The following EFR3A variants were observed in gnomAD, a reference collection of about 807,000 sequenced individuals.
EFR3A encodes the protein EFR3 homolog A.
A neutral mutation model predicts 104.4 loss-of-function variants in EFR3A; 76 were observed. The observed-to-expected ratio is 0.73, with a 90% confidence interval of 0.60 to 0.88. The LOEUF (loss-of-function observed/expected upper bound fraction) is 0.88, where lower values mean the gene tolerates loss of function less well. Among genes scored for constraint, EFR3A ranks in the 40% least tolerant of loss-of-function variants. The probability of loss-of-function intolerance (pLI) is 0.00; values close to 1 mark genes in which losing one functional copy is unlikely to be tolerated. For synonymous variants in EFR3A, 330 were observed against 330.0 expected, an observed-to-expected ratio of 1.00 and a Z score of 0.00; for missense variants, 985 against 1,012.5, an observed-to-expected ratio of 0.97 and a Z score of 0.37.
chr8:131,931,393 A>G (rs895573536), intron 1 of EFR3A, among the ~76,000 whole-genome samples: 9 of 152,102 alleles, frequency 5.9e-5, no homozygotes, highest in Non-Finnish European at 1.2e-4. Context: ...TTAATGTTAA[A>G]CGTTTGATAG....
At chr8:131,937,170 T>C (rs1315397539) in intron 1 of EFR3A, among the ~76,000 whole-genome samples, 1 of 152,138 alleles carries the variant, frequency 6.6e-6, no homozygotes, top group Non-Finnish European at 1.5e-5. Flanking sequence ...GAAGACCAAA[T>C]ATATATTTCA....
chr8:131,967,198 C>G (rs1819784821), intron 8 of EFR3A, among the ~76,000 whole-genome samples: 4 of 152,040 alleles, frequency 2.6e-5, no homozygotes, highest in Admixed American at 2.6e-4. Flanking sequence ...TTAAATGAAA[C>G]AAAGTAAAGA....
intron 4 of EFR3A, among the ~76,000 whole-genome samples, chr8:131,948,672 G>C (rs899448854): frequency 3.3e-5 from 5 of 152,066 alleles, no homozygotes; most frequent in African/African-American, 1.2e-4. Flanking sequence ...CTTTCACCCA[G>C]CAATGCCATT....
chr8:131,931,042 G>A (rs763732236), intron 1 of EFR3A, among the ~76,000 whole-genome samples: 5 of 152,068 alleles, frequency 3.3e-5, no homozygotes, highest in Admixed American at 6.6e-5. Flanking sequence ...AATGGCTCCC[G>A]AATGAACGTG....
At chr8:132,010,407 GATATAT>G (rs66644698) in intron 22 of EFR3A, among the ~76,000 whole-genome samples, 14,952 of 80,442 alleles carry the variant, frequency 0.19, 1,326 homozygotes, top group Non-Finnish European at 0.23. Flanking sequence ...TCAAGTATGA[GATATAT>G]ATATATATAT....
chr8:131,936,831 G>A (rs369851432), intron 1 of EFR3A, among the ~76,000 whole-genome samples: 3 of 152,050 alleles, frequency 2.0e-5, no homozygotes, highest in Admixed American at 6.6e-5. Context: ...GTCACCCTCC[G>A]GAAACTTCCA....
chr8:131,965,333 T>C (rs1819641165), intron 8 of EFR3A, among the ~76,000 whole-genome samples: 1 of 152,120 alleles, frequency 6.6e-6, no homozygotes, highest in African/African-American at 2.4e-5. Flanking sequence ...GAAGGGCTAA[T>C]ATGCAGACTC....
chr8:131,907,065 G>C (rs1237344616), intron 1 of EFR3A, among the ~76,000 whole-genome samples: 1 of 152,186 alleles, frequency 6.6e-6, no homozygotes, highest in Non-Finnish European at 1.5e-5. Context: ...CCTATAATCA[G>C]TAACCACAGT....
chr8:131,968,518 T>C (rs1819885655), intron 9 of EFR3A, 88 bp downstream of exon 9: 1 of 1,275,246 alleles, frequency 7.8e-7, no homozygotes, highest in East Asian at 2.6e-5. Flanking sequence ...AAGAACTCTT[T>C]AAGAATATTT....
chr8:131,911,901 G>A (rs555850782), intron 1 of EFR3A, among the ~76,000 whole-genome samples: 22 of 152,312 alleles, frequency 1.4e-4, no homozygotes, highest in African/African-American at 5.3e-4. Flanking sequence ...GTCAAACAAG[G>A]TAGGTCAGGT....
At chr8:131,936,982 G>T (rs1817928038) in intron 1 of EFR3A, among the ~76,000 whole-genome samples, 1 of 152,000 alleles carries the variant, frequency 6.6e-6, no homozygotes, top group Non-Finnish European at 1.5e-5. Flanking sequence ...ATCCTTAGAG[G>T]TTAGGGGTTG....
At chr8:131,954,417 A>G (rs948112419) in intron 6 of EFR3A, among the ~76,000 whole-genome samples, 13 of 151,926 alleles carry the variant, frequency 8.6e-5, no homozygotes, top group Non-Finnish European at 4.4e-5. Flanking sequence ...TTTTTCAACA[A>G]ATGGTTAGAT....
chr8:132,002,747 G>C (rs1426480843), intron 21 of EFR3A, 41 bp downstream of exon 21: 1 of 1,517,296 alleles, frequency 6.6e-7, no homozygotes, highest in African/African-American at 1.4e-5. Context: ...GTGGACTGTT[G>C]TTTTGTGGAA....
chr8:131,915,907 C>G (rs1177756965), intron 1 of EFR3A, among the ~76,000 whole-genome samples: 2 of 152,178 alleles, frequency 1.3e-5, no homozygotes, highest in Non-Finnish European at 2.9e-5. Flanking sequence ...ATTTATTATG[C>G]TAGACACTGA....
At chr8:131,985,139 C>T in intron 16 of EFR3A, 79 bp downstream of exon 16, 6 of 1,408,794 alleles carry the variant, frequency 4.3e-6, no homozygotes, top group Non-Finnish European at 5.9e-6. Context: ...TTATTTTTAA[C>T]TTTGGTGATT....
At chr8:131,994,925 G>A (rs1255468387) in intron 18 of EFR3A, among the ~76,000 whole-genome samples, 1 of 152,180 alleles carries the variant, frequency 6.6e-6, no homozygotes, top group African/African-American at 2.4e-5. Context: ...CCTGGGATGT[G>A]ACCTGGGTGA....
chr8:131,975,010 A>G (rs766027547), intron 10 of EFR3A, among the ~76,000 whole-genome samples: 1 of 152,232 alleles, frequency 6.6e-6, no homozygotes, highest in Non-Finnish European at 1.5e-5. Context: ...CAATCTTTCA[A>G]AGAAATAAGA....
At chr8:131,926,160 T>G (rs1375487293) in intron 1 of EFR3A, among the ~76,000 whole-genome samples, 1 of 152,182 alleles carries the variant, frequency 6.6e-6, no homozygotes, top group African/African-American at 2.4e-5. Flanking sequence ...AACAATATAC[T>G]TCAAATATTA....
At chr8:131,999,060 T>A (rs972473800) in intron 19 of EFR3A, among the ~76,000 whole-genome samples, 4 of 152,084 alleles carry the variant, frequency 2.6e-5, no homozygotes, top group Admixed American at 2.0e-4. Context: ...ATAACTGATA[T>A]GAGTAAAACC....
Sources: gnomAD v4.1 joint callset for allele counts (sites outside exome capture counted in the v4.1 genomes callset) on GRCh38, gnomAD v4.1.1 for gene constraint, MANE v1.5 for transcripts, NCBI Gene and HGNC (gene_info 2026-07-23, HGNC 2026-07-21) for gene names.